ADGRB3: variants seen among roughly 807,000 people sequenced by gnomAD.
ADGRB3 encodes the protein adhesion G protein-coupled receptor B3.
In ADGRB3, 37 loss-of-function variants were observed where a neutral mutation model predicts 193.4. The ratio of observed to expected loss-of-function variants is 0.19; its 90% CI spans 0.15 to 0.25. ADGRB3 has a LOEUF of 0.25. ADGRB3 is among the 10% of genes least tolerant of loss of function. The pLI, the probability that ADGRB3 is intolerant of heterozygous loss-of-function variation, is 1.00. For missense variants in ADGRB3, 1,637 were observed against 1,852.9 expected (o/e 0.88, Z 2.14); for synonymous variants, 690 against 644.2 (o/e 1.07, Z -1.08).
chr6:69,109,269 T>G (rs1773301652), intron 17 of ADGRB3, among the ~76,000 whole-genome samples: 1 of 152,128 alleles, frequency 6.6e-6, no homozygotes, highest in Non-Finnish European at 1.5e-5. Flanking sequence ...TCTTTAGTAG[T>G]TTAAAGAGGG....
chr6:69,357,072 A>C (rs1035029682), intron 28 of ADGRB3, among the ~76,000 whole-genome samples: 1 of 152,120 alleles, frequency 6.6e-6, no homozygotes, highest in African/African-American at 2.4e-5. Flanking sequence ...TCTTCAGATT[A>C]AACAAGCCTT....
chr6:69,224,077 A>G (rs766902238), intron 17 of ADGRB3, among the ~76,000 whole-genome samples: 1 of 151,962 alleles, frequency 6.6e-6, no homozygotes, highest in Non-Finnish European at 1.5e-5. Context: ...ATAATTTGTC[A>G]CCCTGAGATA....
At chr6:69,220,670 GC>G (rs1241084347) in intron 17 of ADGRB3, among the ~76,000 whole-genome samples, 1 of 152,048 alleles carries the variant, frequency 6.6e-6, no homozygotes, top group Non-Finnish European at 1.5e-5. Flanking sequence ...AACAGGAAAG[GC>G]CTTCACTGCT....
intron 3 of ADGRB3, among the ~76,000 whole-genome samples, chr6:68,722,692 T>G (rs1765605103): frequency 6.6e-6 from 1 of 151,506 alleles, no homozygotes; most frequent in East Asian, 2.0e-4. Context: ...TATGTGTTCC[T>G]AAAAAGCACT....
chr6:68,783,780 C>G (rs1268855862), intron 3 of ADGRB3, among the ~76,000 whole-genome samples: 2 of 151,936 alleles, frequency 1.3e-5, no homozygotes, highest in African/African-American at 4.8e-5. Flanking sequence ...TGAAATAATA[C>G]CCAACCTGCA....
chr6:69,235,287 A>G, intron 19 of ADGRB3, 152 bp downstream of exon 19: 1 of 666,724 alleles, frequency 1.5e-6, no homozygotes, highest in African/African-American at 1.8e-5. Context: ...TTGAGCTTTA[A>G]TAAATGAATT....
intron 20 of ADGRB3, among the ~76,000 whole-genome samples, chr6:69,258,953 A>G (rs1330487616): frequency 6.6e-6 from 1 of 152,222 alleles, no homozygotes; most frequent in Non-Finnish European, 1.5e-5. Context: ...AAGAAATAGA[A>G]GGCTGAAGTT....
intron 3 of ADGRB3, among the ~76,000 whole-genome samples, chr6:68,665,864 A>G (rs890634967): frequency 2.6e-5 from 4 of 151,882 alleles, no homozygotes; most frequent in African/African-American, 9.7e-5. Context: ...AGTAATATAA[A>G]TGTATATCAC....
At chr6:69,051,577 A>G (rs1176390393) in intron 15 of ADGRB3, among the ~76,000 whole-genome samples, 1 of 152,220 alleles carries the variant, frequency 6.6e-6, no homozygotes, top group African/African-American at 2.4e-5. Flanking sequence ...AAGGTGAAGT[A>G]CTAGTGTTTA....
chr6:68,682,718 A>G (rs958465531), intron 3 of ADGRB3, among the ~76,000 whole-genome samples: 3 of 152,132 alleles, frequency 2.0e-5, no homozygotes, highest in African/African-American at 7.2e-5. Flanking sequence ...AAACACCACA[A>G]ATAAAATGAC....
At chr6:69,161,331 G>A (rs1417696546) in intron 17 of ADGRB3, among the ~76,000 whole-genome samples, 10 of 151,944 alleles carry the variant, frequency 6.6e-5, no homozygotes, top group African/African-American at 2.2e-4. Flanking sequence ...GAATGCTTAG[G>A]GATGAATAAC....
intron 3 of ADGRB3, among the ~76,000 whole-genome samples, chr6:68,700,694 C>T (rs1218227000): frequency 6.6e-6 from 1 of 151,388 alleles, no homozygotes; most frequent in African/African-American, 2.4e-5. Context: ...GGTAAAGAAC[C>T]ATCATTCTCA....
intron 17 of ADGRB3, among the ~76,000 whole-genome samples, chr6:69,216,919 G>A (rs1765781953): frequency 6.6e-6 from 1 of 152,216 alleles, no homozygotes. Context: ...GCACAGAGCT[G>A]CCCACACAAC....
At chr6:68,870,162 A>G (rs1318406621) in intron 3 of ADGRB3, among the ~76,000 whole-genome samples, 7 of 152,198 alleles carry the variant, frequency 4.6e-5, no homozygotes, top group Admixed American at 4.6e-4. Context: ...AATATCCTAT[A>G]TCAGAAACCA....
At chr6:68,870,249 A>T (rs1261579815) in intron 3 of ADGRB3, among the ~76,000 whole-genome samples, 1 of 152,182 alleles carries the variant, frequency 6.6e-6, no homozygotes, top group Admixed American at 6.5e-5. Context: ...TAGGGCAATG[A>T]CTCTGAAAAA....
chr6:68,836,979 T>G (rs907166288), intron 3 of ADGRB3, among the ~76,000 whole-genome samples: 1 of 152,198 alleles, frequency 6.6e-6, no homozygotes, highest in Non-Finnish European at 1.5e-5. Flanking sequence ...CTTTTGAGGA[T>G]CTTAATTTAC....
intron 3 of ADGRB3, among the ~76,000 whole-genome samples, chr6:68,909,248 T>C (rs1283408669): frequency 6.6e-6 from 1 of 152,200 alleles, no homozygotes; most frequent in African/African-American, 2.4e-5. Context: ...ACACATAATA[T>C]ATTTTTTCTA....
chr6:69,068,571 G>A (rs185518100), intron 16 of ADGRB3, among the ~76,000 whole-genome samples: 1 of 152,234 alleles, frequency 6.6e-6, no homozygotes, highest in Admixed American at 6.5e-5. Flanking sequence ...TGGAGGCAAT[G>A]ATTTTCTTTG....
chr6:68,706,717 T>TAATTA (rs1765331121), intron 3 of ADGRB3, among the ~76,000 whole-genome samples: 2 of 152,254 alleles, frequency 1.3e-5, no homozygotes, highest in Admixed American at 1.3e-4. Context: ...TAATGAGAAC[T>TAATTA]AATTAAATGT....
Sources: allele counts gnomAD v4.1 joint callset (sites outside exome capture counted in the v4.1 genomes callset), GRCh38; gene constraint gnomAD v4.1.1; transcripts MANE v1.5; gene names NCBI Gene and HGNC (gene_info 2026-07-23, HGNC 2026-07-21).